RNF128: variants seen among roughly 807,000 people sequenced by gnomAD.
RNF128 encodes the protein E3 ubiquitin-protein ligase RNF128.
In RNF128, 13 loss-of-function variants were observed where a neutral mutation model predicts 26.2. That is an observed-to-expected ratio of 0.50 (90% CI 0.32 to 0.79). The LOEUF is 0.79. RNF128 is among the 30% of genes least tolerant of loss of function. The probability of loss-of-function intolerance (pLI) is 0.03; values close to 1 mark genes in which losing one functional copy is unlikely to be tolerated. For synonymous variants in RNF128, 149 were observed against 142.5 expected (o/e 1.05, Z -0.32); for missense variants, 315 against 349.7 (o/e 0.90, Z 0.79).
At chrX:106,773,241 T>C (rs1221900284) in intron 2 of RNF128, 81 bp downstream of exon 2, 19 of 955,886 alleles carry the variant, frequency 2.0e-5, no homozygotes, top group Middle Eastern at 5.6e-4. Context: ...TTTTAATACA[T>C]TGTACTTGCT....
chrX:106,729,832 G>A (rs1241682530), intron 1 of RNF128, among the ~76,000 whole-genome samples: 1 of 112,100 alleles, frequency 8.9e-6, no homozygotes, highest in Non-Finnish European at 1.9e-5. Flanking sequence ...TTTGCAAAGT[G>A]TTATATTGTT....
At chrX:106,766,222 T>A (rs1930234888) in intron 1 of RNF128, among the ~76,000 whole-genome samples, 1 of 111,921 alleles carries the variant, frequency 8.9e-6, no homozygotes, top group Admixed American at 9.5e-5. Context: ...ATCCTTTGGG[T>A]ATATGCCCAG....
At chrX:106,713,095 G>A (rs1257749380) in intron 1 of RNF128, among the ~76,000 whole-genome samples, 3 of 107,957 alleles carry the variant, frequency 2.8e-5, no homozygotes, top group Non-Finnish European at 5.8e-5. Flanking sequence ...TGGCCAGGCT[G>A]GTCTCGAACT....
intron 1 of RNF128, among the ~76,000 whole-genome samples, chrX:106,738,473 G>A (rs1367789890): frequency 9.0e-6 from 1 of 111,543 alleles, no homozygotes; most frequent in Non-Finnish European, 1.9e-5. Context: ...CATCCATATT[G>A]CAATTTTTCT....
intron 2 of RNF128, among the ~76,000 whole-genome samples, chrX:106,775,044 T>C (rs904673302): frequency 2.7e-5 from 3 of 112,245 alleles, no homozygotes; most frequent in Non-Finnish European, 5.6e-5. Context: ...GTGTTTAAAG[T>C]TAATTGGCTT....
intron 6 of RNF128, among the ~76,000 whole-genome samples, chrX:106,792,288 T>A (rs1022865830): frequency 2.8e-5 from 3 of 107,294 alleles, no homozygotes; most frequent in Non-Finnish European, 5.8e-5. Context: ...TAAAAGAGAG[T>A]GTACGAGATA....
At chrX:106,791,276 T>C (rs756429632) in intron 6 of RNF128, 42 bp downstream of exon 6, 27 of 1,125,509 alleles carry the variant, frequency 2.4e-5, no homozygotes, top group African/African-American at 3.6e-5. Context: ...CTGCAATCCA[T>C]TGTAGATCAT....
chrX:106,749,274 A>G (rs1434264966), intron 1 of RNF128, among the ~76,000 whole-genome samples: 5 of 112,312 alleles, frequency 4.5e-5, no homozygotes, highest in African/African-American at 1.6e-4. Context: ...TTACATCTGA[A>G]TGTTTTGTGG....
At chrX:106,701,855 A>G (rs1928963280) in intron 1 of RNF128, among the ~76,000 whole-genome samples, 1 of 111,736 alleles carries the variant, frequency 8.9e-6, no homozygotes, top group South Asian at 3.7e-4. Context: ...ACAGGTTTCT[A>G]AGCAAAATAT....
At chrX:106,791,883 T>C (rs1930833061) in intron 6 of RNF128, among the ~76,000 whole-genome samples, 1 of 111,600 alleles carries the variant, frequency 9.0e-6, no homozygotes, top group Non-Finnish European at 1.9e-5. Flanking sequence ...ATTTTCCCTT[T>C]CTTTTACCTC....
rs1423642626 is a variant in RNF128, at chrX:106,727,318, T to C, written c.405T>C (p.Ala135=). The C allele has an allele frequency of 2.5e-6, 3 of 1,209,778 alleles. No individual in the cohort carries two copies. Among genetic ancestry groups the C allele is most frequent in the Non-Finnish European group, 2.2e-6 (2 of 895,095 alleles). ...GCTFADKIHL[A]YERGASGAVI... ...CCTTCGCAGACAAGATCCATCTGGC[T>C]TATGAGAGAGGGGCGTCTGGAGCCG... The change falls in exon 1 of 7, where the codon GCT becomes GCC. Residue 135 remains alanine, a synonymous_variant. Coordinates refer to ENST00000255499, the MANE Select transcript of RNF128 (RefSeq NM_194463.2).
chrX:106,727,081 G>A lies in RNF128; in HGVS notation c.168G>A (p.Thr56=), dbSNP rs1377356394. 2 of 1,203,841 alleles carry A rather than the reference G, an allele frequency of 1.7e-6. No homozygotes were observed. Among genetic ancestry groups the A allele is most frequent in the East Asian group, 5.9e-5 (2 of 33,650 alleles). The part of the protein sequence containing the change: ...YLNVSWRVPH[T]GVNRTVWELS... ...ACGTGTCCTGGCGGGTTCCGCACAC[G>A]GGAGTGAACCGTACGGTGTGGGAGC... Residue 56 remains threonine, a synonymous_variant, in exon 1 of 7, where the codon ACG becomes ACA. Coordinates refer to ENST00000255499, the MANE Select transcript of RNF128 (RefSeq NM_194463.2).
At chrX:106,703,780 C>T (rs1163211138) in intron 1 of RNF128, among the ~76,000 whole-genome samples, 2 of 110,171 alleles carry the variant, frequency 1.8e-5, no homozygotes, top group African/African-American at 6.6e-5. Flanking sequence ...AGACCAGTAC[C>T]GGGAATATGA....
At chrX:106,784,792 G>A (rs1930624884) in intron 2 of RNF128, among the ~76,000 whole-genome samples, 1 of 111,614 alleles carries the variant, frequency 9.0e-6, no homozygotes, top group African/African-American at 3.3e-5. Flanking sequence ...TCCATTAGGG[G>A]TGGGGGAAAT....
chrX:106,764,038 C>T (rs1930170043), intron 1 of RNF128, among the ~76,000 whole-genome samples: 1 of 109,745 alleles, frequency 9.1e-6, no homozygotes, highest in African/African-American at 3.3e-5. Flanking sequence ...TATCAGCTCA[C>T]TGCAAGCTCC....
chrX:106,743,624 G>A (rs1929739731), intron 1 of RNF128, among the ~76,000 whole-genome samples: 1 of 112,291 alleles, frequency 8.9e-6, no homozygotes, highest in African/African-American at 3.2e-5. Context: ...TTGAGTTTTG[G>A]TGTAGTATCA....
At chrX:106,734,169 G>T (rs182676924) in intron 1 of RNF128, among the ~76,000 whole-genome samples, 2 of 111,670 alleles carry the variant, frequency 1.8e-5, no homozygotes, top group East Asian at 5.6e-4. Flanking sequence ...GAGAGTTGGG[G>T]ATTGAGCCTC....
At chrX:106,696,984 G>A (rs1164631402) in intron 1 of RNF128, among the ~76,000 whole-genome samples, 1 of 111,382 alleles carries the variant, frequency 9.0e-6, no homozygotes, top group Non-Finnish European at 1.9e-5. Flanking sequence ...AACCATTCTA[G>A]TTTGCTTGAG....
chrX:106,780,544 AGAG>A (rs765263816), intron 2 of RNF128, among the ~76,000 whole-genome samples: 2 of 112,181 alleles, frequency 1.8e-5, no homozygotes, highest in South Asian at 7.4e-4. Flanking sequence ...TTAGGATTAG[AGAG>A]GAGGAGGGGA....
Sources: gnomAD v4.1 joint callset for allele counts (sites outside exome capture counted in the v4.1 genomes callset) on GRCh38, gnomAD v4.1.1 for gene constraint, MANE v1.5 for transcripts, NCBI Gene and HGNC (gene_info 2026-07-23, HGNC 2026-07-21) for gene names.